The following CAMTA1 variants were observed in gnomAD, a reference collection of about 807,000 sequenced individuals.
CAMTA1 encodes calmodulin-binding transcription activator 1.
In CAMTA1, 27 loss-of-function variants were observed where a neutral mutation model predicts 170.9. The observed-to-expected ratio is 0.16, with a 90% CI of 0.12 to 0.22. The LOEUF is 0.22. Among genes scored for constraint, CAMTA1 ranks in the 10% least tolerant of loss-of-function variants. The pLI is 1.00. For synonymous variants in CAMTA1, 833 were observed against 891.5 expected (o/e 0.93, Z 1.17); for missense variants, 1,619 against 2,217.2 (o/e 0.73, Z 5.42).
chr1:7,239,899 G>A (rs548120516), intron 4 of CAMTA1, among the ~76,000 whole-genome samples: 1 of 151,484 alleles, frequency 6.6e-6, no homozygotes, highest in East Asian at 2.0e-4. Flanking sequence ...GGAGGAGGGG[G>A]CCACCAGACT....
At chr1:7,525,676 C>T (rs887853801) in intron 6 of CAMTA1, among the ~76,000 whole-genome samples, 16 of 152,064 alleles carry the variant, frequency 1.1e-4, no homozygotes, top group African/African-American at 3.4e-4. Flanking sequence ...TCAAGAGATA[C>T]GGGGTGATTT....
chr1:7,431,106 G>C (rs1306471426), intron 5 of CAMTA1, among the ~76,000 whole-genome samples: 1 of 152,212 alleles, frequency 6.6e-6, no homozygotes, highest in Non-Finnish European at 1.5e-5. Context: ...TGAGTTAGTG[G>C]AAGTGCAGGA....
chr1:7,010,498 A>G lies in CAMTA1; in HGVS notation c.235-80806A>G, dbSNP rs1459994560. On this transcript the variant is annotated intron_variant, in intron 3 of 22. Transcript: ENST00000303635. The surrounding 1 kb of genome is among the most constrained non-coding windows in gnomAD (Gnocchi z 4.4). ...TCTGCGTCCTTCCTTATTTTTTGTT[A>G]TCTTGGCTGTTTGACAAATAGACTT... is the stretch of plus-strand genomic sequence containing the variant. 6.6e-6 allele frequency among the ~76,000 whole-genome samples: 1 copy of G among 152,090 alleles called. No homozygotes were observed. Among genetic ancestry groups the G allele is most frequent in the Non-Finnish European group, 1.5e-5 (1 of 68,010 alleles).
At chr1:7,461,223 C>T (rs1309504447) in intron 5 of CAMTA1, among the ~76,000 whole-genome samples, 1 of 152,194 alleles carries the variant, frequency 6.6e-6, no homozygotes, top group Non-Finnish European at 1.5e-5. Context: ...CCAGGTAGAA[C>T]AACAGGTGCC....
chr1:7,298,810 A>G (rs572451801), intron 5 of CAMTA1, among the ~76,000 whole-genome samples: 9 of 152,308 alleles, frequency 5.9e-5, no homozygotes, highest in Non-Finnish European at 1.0e-4. Flanking sequence ...GGACCATTTC[A>G]GACACGTGGG....
intron 3 of CAMTA1, among the ~76,000 whole-genome samples, chr1:6,884,595 G>A (rs1212171820): frequency 6.6e-6 from 1 of 152,042 alleles, no homozygotes; most frequent in Non-Finnish European, 1.5e-5. Context: ...CCTTTAGTTT[G>A]TTGCCTGCAG....
At chr1:7,395,977 G>A (rs534733311) in intron 5 of CAMTA1, among the ~76,000 whole-genome samples, 2 of 152,018 alleles carry the variant, frequency 1.3e-5, no homozygotes, top group East Asian at 3.9e-4. Context: ...GAGTCTTTAG[G>A]GTTTTCTTTA....
chr1:6,916,200 C>T (rs140016911), intron 3 of CAMTA1, among the ~76,000 whole-genome samples: 211 of 152,240 alleles, frequency 1.4e-3, no homozygotes, highest in Middle Eastern at 6.8e-3. Context: ...CAGAGACCTC[C>T]GGGTCTCACC....
intron 9 of CAMTA1, among the ~76,000 whole-genome samples, chr1:7,668,232 C>G (rs140405470): frequency 7.2e-4 from 109 of 152,216 alleles, no homozygotes; most frequent in African/African-American, 2.6e-3. Flanking sequence ...ACTCAGCACC[C>G]CCACCCAGCT....
At chr1:7,475,093 A>T (rs1395832528) in intron 6 of CAMTA1, among the ~76,000 whole-genome samples, 1 of 152,254 alleles carries the variant, frequency 6.6e-6, no homozygotes, top group African/African-American at 2.4e-5. Flanking sequence ...AAGCTAGCTT[A>T]ACAGGATATC....
intron 6 of CAMTA1, among the ~76,000 whole-genome samples, chr1:7,511,312 T>C (rs2094198850): frequency 6.9e-6 from 1 of 145,660 alleles, no homozygotes; most frequent in Admixed American, 6.9e-5. Flanking sequence ...ACCTTGAGTG[T>C]CCACTTTCTT....
intron 3 of CAMTA1, among the ~76,000 whole-genome samples, chr1:6,906,666 C>G (rs1419861713): frequency 6.6e-6 from 1 of 152,202 alleles, no homozygotes; most frequent in Non-Finnish European, 1.5e-5. Flanking sequence ...GAGCTTGGAA[C>G]TTGGCTCAGA....
At chr1:7,632,357 A>G (rs1280677600) in intron 6 of CAMTA1, among the ~76,000 whole-genome samples, 1 of 152,150 alleles carries the variant, frequency 6.6e-6, no homozygotes, top group Non-Finnish European at 1.5e-5. Flanking sequence ...ACATGCTATT[A>G]TGACTTTCTG....
intron 11 of CAMTA1, among the ~76,000 whole-genome samples, chr1:7,706,918 G>T (rs969653590): frequency 5.5e-5 from 7 of 128,240 alleles, no homozygotes; most frequent in Non-Finnish European, 9.3e-5. Flanking sequence ...ACGGAGTCTC[G>T]CTCTGTTGCC....
At chr1:6,961,318 A>G (rs1690359777) in intron 3 of CAMTA1, among the ~76,000 whole-genome samples, 1 of 152,214 alleles carries the variant, frequency 6.6e-6, no homozygotes, top group Non-Finnish European at 1.5e-5. Context: ...GGGAGGCCAG[A>G]GGGACTGACC....
chr1:7,747,867 C>A, intron 19 of CAMTA1, 86 bp downstream of exon 19: 1 of 745,358 alleles, frequency 1.3e-6, no homozygotes, highest in Non-Finnish European at 2.3e-6. Flanking sequence ...AGCACTACAT[C>A]TAGTACCTCA....
At chr1:7,005,299 G>C (rs12085701) in intron 3 of CAMTA1, among the ~76,000 whole-genome samples, 4 of 152,204 alleles carry the variant, frequency 2.6e-5, no homozygotes, top group African/African-American at 9.6e-5. Flanking sequence ...CTAAAATCCA[G>C]CTGGTTCTGA....
At chr1:7,669,782 G>A (rs2096039839) in intron 9 of CAMTA1, among the ~76,000 whole-genome samples, 3 of 152,168 alleles carry the variant, frequency 2.0e-5, no homozygotes, top group African/African-American at 4.8e-5. Context: ...CCGGGAGGCC[G>A]GCACCCCTAC....
chr1:7,692,769 T>C (rs1052670007), intron 11 of CAMTA1, among the ~76,000 whole-genome samples: 1 of 152,134 alleles, frequency 6.6e-6, no homozygotes, highest in Non-Finnish European at 1.5e-5. Flanking sequence ...AGAAACAGCG[T>C]TGATAGGTGG....
Sources: gnomAD v4.1 joint callset for allele counts (sites outside exome capture counted in the v4.1 genomes callset) on GRCh38, gnomAD v4.1.1 for gene constraint, Gnocchi (gnomAD v3.1) non-coding constraint, MANE v1.5 for transcripts, NCBI Gene and HGNC (gene_info 2026-07-23, HGNC 2026-07-21) for gene names.